The following CHD7 variants were observed in gnomAD, a reference collection of about 807,000 sequenced individuals.
CHD7 encodes ATP-dependent chromatin remodeler CHD7.
In CHD7, 24 loss-of-function variants were observed where a neutral mutation model predicts 307.3. The observed-to-expected ratio is 0.08, with a 90% confidence interval of 0.06 to 0.11. The LOEUF (loss-of-function observed/expected upper bound fraction) is 0.11. CHD7 is among the 10% of genes least tolerant of loss of function. The pLI is 1.00. For missense variants in CHD7, 3,106 were observed against 3,727.1 expected (o/e 0.83, Z 4.34); for synonymous variants, 1,363 against 1,349.9 (o/e 1.01, Z -0.21).
chr8:60,694,680 T>A (rs557168827), intron 1 of CHD7, among the ~76,000 whole-genome samples: 1 of 152,314 alleles, frequency 6.6e-6, no homozygotes, highest in Non-Finnish European at 1.5e-5. Flanking sequence ...TTGCAGGAGC[T>A]ATGGCCCCCA....
intron 15 of CHD7, 150 bp from the exon 16 acceptor site, chr8:60,835,923 A>G (rs1031643266): frequency 5.2e-5 from 33 of 635,556 alleles, no homozygotes; most frequent in Non-Finnish European, 8.8e-5. Context: ...GTATAGACCC[A>G]ACTATGAGTA....
chr8:60,680,404 G>A (rs1352573348), intron 1 of CHD7, among the ~76,000 whole-genome samples: 8 of 130,116 alleles, frequency 6.1e-5, no homozygotes, highest in Middle Eastern at 3.8e-3. Flanking sequence ...GTCGCGGGGG[G>A]GGGGGGCGGG....
chr8:60,807,703 C>A (rs1241815112), intron 6 of CHD7, among the ~76,000 whole-genome samples: 1 of 152,178 alleles, frequency 6.6e-6, no homozygotes, highest in Non-Finnish European at 1.5e-5. Flanking sequence ...AGCATAAGAA[C>A]AAGGTTTACT....
In CHD7 at chr8:60,812,556, C is replaced by T. The variant is rs561586399; in HGVS notation, c.2499-3831C>T. 3.8e-3 allele frequency among the ~76,000 whole-genome samples: 563 copies of T among 149,676 alleles called. 2 individuals are homozygous for T. The highest frequency in any genetic ancestry group is 6.3e-3 in the Non-Finnish European group (424 of 67,640). ...GCGGGTGCCTGTAATCCCAGCTACT[C>T]GGGAGGCTGAGGCAGGAGAATCGCT... On this transcript the variant is annotated intron_variant, in intron 7 of 37. Transcript: ENST00000423902.
chr8:60,760,492 T>G, intron 2 of CHD7, among the ~76,000 whole-genome samples: 1 of 143,112 alleles, frequency 7.0e-6, no homozygotes, highest in Non-Finnish European at 1.5e-5. Context: ...AATTGACAAA[T>G]GGGATCTAAT....
intron 13 of CHD7, among the ~76,000 whole-genome samples, chr8:60,828,334 GA>G (rs111395917): frequency 3.3e-5 from 5 of 152,248 alleles, no homozygotes; most frequent in African/African-American, 9.6e-5. Context: ...GGGATTCTAG[GA>G]AAAAAACTTA....
rs553319194 is a variant in CHD7, at chr8:60,811,952, A to G, written c.2498+3680A>G. On this transcript the variant is annotated intron_variant, in intron 7 of 37. Transcript: ENST00000423902. Reference sequence around the variant, plus strand: ...ACACCTTTTCATAAGATTAATGGCCACTTTTTACATCTTGCTTTGTCAGTT... The same window carrying G: ...ACACCTTTTCATAAGATTAATGGCCGCTTTTTACATCTTGCTTTGTCAGTT... Among the ~76,000 whole-genome samples, 12 of 152,290 alleles carry G rather than the reference A, an allele frequency of 7.9e-5. No homozygotes were observed. In the South Asian group the frequency reaches 2.1e-3, roughly 26 times the overall value.
chr8:60,716,759 C>T (rs1385902577), intron 1 of CHD7, among the ~76,000 whole-genome samples: 1 of 152,174 alleles, frequency 6.6e-6, no homozygotes. Flanking sequence ...ACTGATGCAT[C>T]TCCAGTGCCT....
chr8:60,729,171 T>G (rs1200647344), intron 1 of CHD7, among the ~76,000 whole-genome samples: 1 of 152,226 alleles, frequency 6.6e-6, no homozygotes, highest in Non-Finnish European at 1.5e-5. Context: ...GTTATTTCAC[T>G]GTCTTAGGAT....
At chr8:60,785,027 G>A (rs1811431328) in intron 3 of CHD7, among the ~76,000 whole-genome samples, 1 of 152,210 alleles carries the variant, frequency 6.6e-6, no homozygotes, top group Admixed American at 6.5e-5. Flanking sequence ...TTGTGGGTTG[G>A]AGAGGATACC....
chr8:60,828,951 C>A (rs575775786), intron 14 of CHD7, 145 bp downstream of exon 14: 14 of 698,040 alleles, frequency 2.0e-5, no homozygotes, highest in African/African-American at 1.8e-4. Flanking sequence ...TTTCCTTGGA[C>A]TTTCCAGGTC....
chr8:60,750,441 C>T (rs768946345), intron 2 of CHD7, among the ~76,000 whole-genome samples: 12 of 152,194 alleles, frequency 7.9e-5, no homozygotes, highest in Non-Finnish European at 1.8e-4. Flanking sequence ...ACATTTCTGG[C>T]TGTCCTATCT....
chr8:60,719,599 TAATA>T (rs926419631), intron 1 of CHD7, among the ~76,000 whole-genome samples: 4 of 152,034 alleles, frequency 2.6e-5, no homozygotes, highest in African/African-American at 9.7e-5. Flanking sequence ...AGCCCTGGGG[TAATA>T]AATAAAGCCC....
At chr8:60,754,320 C>T (rs374420597) in intron 2 of CHD7, among the ~76,000 whole-genome samples, 2 of 152,180 alleles carry the variant, frequency 1.3e-5, no homozygotes, top group South Asian at 2.1e-4. Flanking sequence ...TTTCTTGATA[C>T]AGTGATTGTA....
rs370437471 is a variant in CHD7, at chr8:60,695,483, A to G, written c.-175+16401A>G. 2.6e-5 allele frequency among the ~76,000 whole-genome samples: 4 copies of G among 152,330 alleles called. No homozygotes were observed. The East Asian group carries it at 5.8e-4, about 22-fold the overall frequency. ...ACAAGAGGGCTACAGAAATGCAGGT[A>G]CTAGAAATTGAAGTTTATCATCTTA... is the stretch of plus-strand genomic sequence containing the variant. On this transcript the variant is annotated intron_variant, in intron 1 of 37. Transcript: ENST00000423902.
At chr8:60,754,781 A>G (rs1040749748) in intron 2 of CHD7, among the ~76,000 whole-genome samples, 2 of 152,238 alleles carry the variant, frequency 1.3e-5, no homozygotes, top group African/African-American at 2.4e-5. Context: ...TGGCAGGTTA[A>G]GTTGACGTCC....
Position 60,800,512 on chromosome 8 carries a change from A to C in CHD7, c.2363A>C (p.Gln788Pro). Residue 788 changes from glutamine (Q) to proline (P), a missense_variant, in exon 5 of 38, where the codon CAG (glutamine) becomes CCG (proline). Transcript: ENST00000423902. ...AGRDSPSNTSQSEQQESVDAE... is the reference protein window; with the variant it reads ...AGRDSPSNTSPSEQQESVDAE... ...AGGGATTCCCCCTCCAACACCTCCCAGTCAGAACAGCAGGTTAGTACCAGA... is the reference window on the plus strand; with the variant it reads ...AGGGATTCCCCCTCCAACACCTCCCCGTCAGAACAGCAGGTTAGTACCAGA... 1 of 1,613,730 alleles carries C rather than the reference A, an allele frequency of 6.2e-7. No homozygotes were observed. Among genetic ancestry groups the C allele is most frequent in the East Asian group, 2.2e-5 (1 of 44,864 alleles).
chr8:60,831,036 C>A (rs893604745), intron 15 of CHD7, among the ~76,000 whole-genome samples: 1 of 152,188 alleles, frequency 6.6e-6, no homozygotes, highest in African/African-American at 2.4e-5. Flanking sequence ...CATCTAGCAC[C>A]TCTATCCTCT....
At chr8:60,758,434 T>C (rs140791828) in intron 2 of CHD7, among the ~76,000 whole-genome samples, 51 of 152,290 alleles carry the variant, frequency 3.3e-4, no homozygotes, top group African/African-American at 1.0e-3. Flanking sequence ...TACAATATTT[T>C]TTAAAAATCA....
Sources: allele counts gnomAD v4.1 joint callset (sites outside exome capture counted in the v4.1 genomes callset), GRCh38; gene constraint gnomAD v4.1.1; transcripts MANE v1.5; gene names NCBI Gene and HGNC (gene_info 2026-07-23, HGNC 2026-07-21).